IQGAP3: variants seen among roughly 807,000 people sequenced by gnomAD.
The protein encoded by IQGAP3 is ras GTPase-activating-like protein IQGAP3.
Under a neutral mutation model 208.2 loss-of-function variants are expected in IQGAP3, and 165 were observed. That is an observed-to-expected ratio of 0.79 (90% CI 0.70 to 0.90). The LOEUF (loss-of-function observed/expected upper bound fraction) is 0.90, where lower values mean the gene tolerates loss of function less well. Ranked by LOEUF, IQGAP3 falls within the 40% of genes least tolerant of loss-of-function variation. The pLI is 0.00. For missense variants in IQGAP3, 1,811 were observed against 2,043.1 expected (o/e 0.89, Z 2.19); for synonymous variants, 703 against 803.6 (o/e 0.87, Z 2.12).
At chr1:156,539,090 T>C in intron 25 of IQGAP3, 57 bp from the exon 26 acceptor site, 2 of 1,490,256 alleles carry the variant, frequency 1.3e-6, no homozygotes, top group Non-Finnish European at 1.8e-6. Context: ...GACATACCGT[T>C]GCTTTTCCTT....
intron 2 of IQGAP3, among the ~76,000 whole-genome samples, chr1:156,568,786 C>G (rs1676514627): frequency 6.6e-6 from 1 of 152,040 alleles, no homozygotes. Flanking sequence ...ATAGGAAATA[C>G]AGGGTATACA....
intron 6 of IQGAP3, 33 bp from the exon 7 acceptor site, chr1:156,563,699 C>A: frequency 6.2e-7 from 1 of 1,608,896 alleles, no homozygotes; most frequent in Non-Finnish European, 8.5e-7. Flanking sequence ...CTTCATCAGG[C>A]CCAGAACCCC....
At chr1:156,541,518 A>G (rs1473552496) in intron 22 of IQGAP3, among the ~76,000 whole-genome samples, 2 of 152,182 alleles carry the variant, frequency 1.3e-5, no homozygotes, top group African/African-American at 4.8e-5. Context: ...AATTTATTGG[A>G]AATAACAACA....
intron 1 of IQGAP3, 73 bp from the exon 2 acceptor site, chr1:156,569,536 T>TTTC (rs1676550735): frequency 1.3e-6 from 1 of 768,008 alleles, no homozygotes; most frequent in African/African-American, 1.9e-5. Flanking sequence ...GTCTTTTTTT[T>TTTC]TTTTTTTTTT....
At chr1:156,540,986 G>T (rs116169390) in intron 22 of IQGAP3, 70 bp from the exon 23 acceptor site, 12 of 1,284,900 alleles carry the variant, frequency 9.3e-6, no homozygotes, top group Non-Finnish European at 1.3e-5. Flanking sequence ...GCCCCTGCCC[G>T]AGTCAGCCCA....
chr1:156,540,057 T>C (rs1313805180), intron 23 of IQGAP3, 67 bp from the exon 24 acceptor site: 3 of 1,573,812 alleles, frequency 1.9e-6, no homozygotes, highest in Admixed American at 1.7e-5. Flanking sequence ...ACATACGGTC[T>C]AGAATCAGTG....
intron 1 of IQGAP3, among the ~76,000 whole-genome samples, chr1:156,572,040 C>T (rs74118709): frequency 0.061 from 9,251 of 152,192 alleles, 968 homozygotes; most frequent in African/African-American, 0.21. Context: ...GAATCTGCAT[C>T]TCAAACAAGC....
intron 1 of IQGAP3, among the ~76,000 whole-genome samples, chr1:156,570,741 C>T (rs1249180789): frequency 2.0e-5 from 3 of 152,214 alleles, no homozygotes; most frequent in African/African-American, 7.2e-5. Context: ...GACTCCTGGG[C>T]TCAAGTGATC....
chr1:156,555,195 C>T (rs570272521), intron 12 of IQGAP3, among the ~76,000 whole-genome samples: 1 of 152,192 alleles, frequency 6.6e-6, no homozygotes, highest in African/African-American at 2.4e-5. Context: ...GCTTTTCAAA[C>T]ATCTGCTTAT....
In IQGAP3 at chr1:156,554,287, G is replaced by C; in HGVS notation, c.1396C>G (p.Leu466Val). The C allele has an allele frequency of 6.2e-7, 1 of 1,614,070 alleles. No homozygotes were observed. The highest frequency in any genetic ancestry group is 8.5e-7 in the Non-Finnish European group (1 of 1,179,992). The change falls in exon 13 of 38, where the codon CTG becomes GTG. Residue 466 changes from leucine (L) to valine (V), a missense_variant. Leu to Val is a conservative substitution (Grantham distance 32). Coordinates refer to ENST00000361170, the MANE Select transcript of IQGAP3 (RefSeq NM_178229.5). The stretch of plus-strand genomic sequence containing the variant: ...GCCAGGCCTGTGGCAGGGTTCACCA[G>C]GCTGCTCCAGAAGCCACTGGCATCC... ...ARDASGFWSS[L>V]VNPATGLAEV...
chr1:156,562,591 G>A lies in IQGAP3; in HGVS notation c.873C>T (p.Val291=), dbSNP rs368296813. Reference sequence around the variant, plus strand: ...CTCCTGCTCGAGGTCTCTTACCGTTGACATGGTTGATATTGCCCTGGATTT... The same window carrying A: ...CTCCTGCTCGAGGTCTCTTACCGTTAACATGGTTGATATTGCCCTGGATTT... ...QAEIQGNINH[V]NVHGALEVVD... The change falls in exon 9 of 38, where the codon GTC becomes GTT. Residue 291 remains valine, a synonymous_variant. Coordinates refer to ENST00000361170, the MANE Select transcript of IQGAP3 (RefSeq NM_178229.5). 7.0e-5 allele frequency: 113 copies of A among 1,613,568 alleles called. No homozygotes were observed. Among genetic ancestry groups the A allele is most frequent in the Admixed American group, 2.0e-4 (12 of 59,990 alleles).
chr1:156,561,997 ATGGACTG>A lies in IQGAP3; in HGVS notation c.878-3_881del, dbSNP rs1447149896. The A allele has an allele frequency of 1.2e-6, 2 of 1,604,850 alleles. No homozygotes were observed. The highest frequency in any genetic ancestry group is 3.4e-5 in the Admixed American group (2 of 57,974). On this transcript the variant is annotated splice_acceptor_variant and splice_polypyrimidine_tract_variant and coding_sequence_variant and intron_variant, in exon 10 of 38. Transcript: ENST00000361170. LOFTEE classifies it high-confidence loss of function. ...CATCATCAACAACTTCTAGAGCCCC[ATGGACTG>A]AAAAAAAATGACTCCATAATGGACA...
intron 12 of IQGAP3, 94 bp from the exon 13 acceptor site, chr1:156,554,486 G>T: frequency 3.1e-6 from 4 of 1,272,372 alleles, no homozygotes; most frequent in Non-Finnish European, 4.2e-6. Context: ...GAATATCCCA[G>T]AGTCTCTATC....
chr1:156,562,688 G>A (rs772805657), intron 8 of IQGAP3, 23 bp from the exon 9 acceptor site: 1 of 1,595,628 alleles, frequency 6.3e-7, no homozygotes, highest in South Asian at 1.1e-5. Context: ...CATTGAAAGG[G>A]AACCTGGGAA....
In IQGAP3 at chr1:156,535,205, CAG is replaced by C; in HGVS notation, c.3463_3464del (p.Leu1155GlyfsTer6). On this transcript the variant is annotated frameshift_variant, in exon 28 of 38. Coordinates refer to ENST00000361170, the MANE Select transcript of IQGAP3 (RefSeq NM_178229.5). LOFTEE classifies it high-confidence loss of function. ...RYVAKVLKAT[L>X]AEKFPDATDS... is the part of the protein sequence containing the mutation. ...CTGTGGCGTCAGGGAATTTCTCTGC[CAG>C]AGTTGCCTTCAGGACTTTGGCCACA... 6.2e-7 allele frequency: 1 copy of C among 1,613,652 alleles called. No individual in the cohort carries two copies. The highest frequency in any genetic ancestry group is 1.1e-5 in the South Asian group (1 of 91,046).
chr1:156,539,138 C>G, intron 25 of IQGAP3, 105 bp from the exon 26 acceptor site: 1 of 1,009,752 alleles, frequency 9.9e-7, no homozygotes, highest in Non-Finnish European at 1.5e-6. Flanking sequence ...CCTGGTGTCC[C>G]CGCTCTTAAG....
In IQGAP3 at chr1:156,548,729, G is replaced by A; in HGVS notation, c.1845C>T (p.Ala615=). The A allele has an allele frequency of 6.3e-7, 1 of 1,582,952 alleles. No individual in the cohort carries two copies. The highest frequency in any genetic ancestry group is 8.6e-7 in the Non-Finnish European group (1 of 1,163,998). The change falls in exon 17 of 38, where the codon GCC becomes GCT. Residue 615 remains alanine (A), a synonymous_variant. Transcript: ENST00000361170. ...TAQRMALGVA[A]INQAIKEGKA... The stretch of plus-strand genomic sequence containing the variant: ...TGCCCTCCTTGATGGCTTGATTGAT[G>A]GCAGCCACACCAAGAGCCACTGACA...
chr1:156,547,373 A>G (rs1675296484), intron 19 of IQGAP3, among the ~76,000 whole-genome samples: 1 of 139,320 alleles, frequency 7.2e-6, no homozygotes, highest in Admixed American at 7.5e-5. Flanking sequence ...ACAGACACAC[A>G]GACACAGACA....
intron 31 of IQGAP3, among the ~76,000 whole-genome samples, chr1:156,533,553 C>T (rs762103736): frequency 4.6e-5 from 7 of 152,166 alleles, no homozygotes; most frequent in African/African-American, 7.2e-5. Flanking sequence ...TTTCATTGAC[C>T]GTTTTCCATG....
Sources: allele counts gnomAD v4.1 joint callset (sites outside exome capture counted in the v4.1 genomes callset), GRCh38; gene constraint gnomAD v4.1.1; transcripts MANE v1.5; gene names NCBI Gene and HGNC (gene_info 2026-07-23, HGNC 2026-07-21).